Variants in NEK10 observed in about 807,000 individuals in gnomAD.
The protein encoded by NEK10 is serine/threonine-protein kinase Nek10.
NEK10 carries 122 observed loss-of-function variants against 159.8 expected under a neutral mutation model. The observed-to-expected ratio is 0.76, with a 90% CI of 0.66 to 0.89. The LOEUF is 0.89. Ranked by LOEUF, NEK10 falls within the 40% of genes least tolerant of loss-of-function variation. The probability of loss-of-function intolerance (pLI) is 0.00; values close to 1 mark genes in which losing one functional copy is unlikely to be tolerated. For missense variants in NEK10, 1,342 were observed against 1,323.1 expected (o/e 1.01, Z -0.22); for synonymous variants, 466 against 457.1 (o/e 1.02, Z -0.25).
chr3:27,123,789 T>C (rs1941609404), intron 32 of NEK10, among the ~76,000 whole-genome samples: 1 of 151,308 alleles, frequency 6.6e-6, no homozygotes, highest in Non-Finnish European at 1.5e-5. Flanking sequence ...AAAGAATGAG[T>C]AAGAATGAGT....
At chr3:27,124,084 C>G (rs914317196) in intron 32 of NEK10, among the ~76,000 whole-genome samples, 1 of 151,890 alleles carries the variant, frequency 6.6e-6, no homozygotes, top group South Asian at 2.1e-4. Flanking sequence ...ATACACAAAA[C>G]AGTTTAAGTG....
At chr3:27,184,876 G>A (rs1192953431) in intron 26 of NEK10, among the ~76,000 whole-genome samples, 4 of 152,100 alleles carry the variant, frequency 2.6e-5, no homozygotes, top group African/African-American at 9.7e-5. Flanking sequence ...CATGACTTTA[G>A]TGGTGTGCTC....
At chr3:27,119,679 G>C in intron 33 of NEK10, 81 bp downstream of exon 33, 1 of 1,090,516 alleles carries the variant, frequency 9.2e-7, no homozygotes, top group South Asian at 1.5e-5. Flanking sequence ...AAAAATTGGA[G>C]ATAATCTTTT....
intron 23 of NEK10, among the ~76,000 whole-genome samples, chr3:27,233,974 T>G (rs1442720505): frequency 6.6e-6 from 1 of 151,884 alleles, no homozygotes; most frequent in Non-Finnish European, 1.5e-5. Context: ...CATACGCAAA[T>G]CAATAAATGT....
At chr3:27,238,786 TGTG>T (rs1954245312) in intron 23 of NEK10, among the ~76,000 whole-genome samples, 5 of 148,514 alleles carry the variant, frequency 3.4e-5, no homozygotes, top group Non-Finnish European at 7.5e-5. Flanking sequence ...TGTGTGTGTG[TGTG>T]TATGTGAAGC....
intron 16 of NEK10, 113 bp from the exon 17 acceptor site, chr3:27,291,699 G>A (rs2043008067): frequency 3.0e-6 from 2 of 665,002 alleles, no homozygotes; most frequent in Non-Finnish European, 5.4e-6. Flanking sequence ...CTGGAGTGCA[G>A]TGGCACGATC....
intron 11 of NEK10, 44 bp downstream of exon 11, chr3:27,307,815 A>G (rs750838887): frequency 1.0e-5 from 9 of 888,180 alleles, no homozygotes; most frequent in Non-Finnish European, 1.7e-5. Flanking sequence ...GTATCTGTCA[A>G]ATAAAGGCAC....
chr3:27,140,527 C>T (rs995324019), intron 31 of NEK10, among the ~76,000 whole-genome samples: 5 of 152,132 alleles, frequency 3.3e-5, no homozygotes, highest in African/African-American at 9.7e-5. Context: ...CTGTGGTACA[C>T]CATTTTTAAT....
chr3:27,115,150 C>A (rs1307882841), intron 35 of NEK10, among the ~76,000 whole-genome samples: 2 of 152,124 alleles, frequency 1.3e-5, no homozygotes, highest in Non-Finnish European at 2.9e-5. Context: ...AGGATAAATA[C>A]CTCAGCTCTC....
intron 5 of NEK10, among the ~76,000 whole-genome samples, chr3:27,331,977 G>A (rs2046452908): frequency 6.6e-6 from 1 of 152,120 alleles, no homozygotes; most frequent in African/African-American, 2.4e-5. Context: ...CATACTAAAT[G>A]GTTTCTTCCA....
At chr3:27,131,828 C>T in intron 32 of NEK10, 52 bp downstream of exon 32, 1 of 992,934 alleles carries the variant, frequency 1.0e-6, no homozygotes, top group Non-Finnish European at 1.6e-6. Flanking sequence ...AAATGTACCT[C>T]TTATGATGTG....
chr3:27,306,158 T>C (rs1265607769), intron 11 of NEK10, among the ~76,000 whole-genome samples: 1 of 152,146 alleles, frequency 6.6e-6, no homozygotes, highest in African/African-American at 2.4e-5. Context: ...TACTCCTCTT[T>C]TCACACTCCT....
chr3:27,162,967 A>C (rs1401399316), intron 29 of NEK10: 1 of 186,336 alleles, frequency 5.4e-6, no homozygotes, highest in African/African-American at 2.4e-5. Flanking sequence ...TTTAGGCTCT[A>C]AGTATGACTA....
chr3:27,279,381 T>C (rs1037379697), intron 22 of NEK10, among the ~76,000 whole-genome samples: 2 of 152,218 alleles, frequency 1.3e-5, no homozygotes, highest in African/African-American at 4.8e-5. Flanking sequence ...TGTGGTGACA[T>C]GCTTTCACAC....
intron 3 of NEK10, among the ~76,000 whole-genome samples, chr3:27,348,320 G>A (rs1303582558): frequency 6.6e-6 from 1 of 152,184 alleles, no homozygotes; most frequent in East Asian, 1.9e-4. Context: ...CAAGAGAGGA[G>A]TGGAAAGCTG....
chr3:27,281,262 C>T (rs1044074968), intron 22 of NEK10, among the ~76,000 whole-genome samples: 84 of 151,798 alleles, frequency 5.5e-4, no homozygotes, highest in African/African-American at 2.0e-3. Flanking sequence ...ACAGAGAGAG[C>T]AGAGGGGAGA....
At chr3:27,211,404 A>G (rs1950998435) in intron 23 of NEK10, among the ~76,000 whole-genome samples, 3 of 152,228 alleles carry the variant, frequency 2.0e-5, no homozygotes, top group Non-Finnish European at 4.4e-5. Context: ...ACGGACTGTC[A>G]TATTCCTGAA....
chr3:27,349,076 C>T (rs914101188), intron 3 of NEK10, among the ~76,000 whole-genome samples: 2 of 151,914 alleles, frequency 1.3e-5, no homozygotes, highest in African/African-American at 4.8e-5. Context: ...CCATGGGTCA[C>T]GGAAGGGGGT....
intron 5 of NEK10, among the ~76,000 whole-genome samples, chr3:27,333,803 G>A (rs2046602111): frequency 6.6e-6 from 1 of 152,170 alleles, no homozygotes; most frequent in Non-Finnish European, 1.5e-5. Flanking sequence ...CTGGGACAGA[G>A]GTGCAAGAGA....
Sources: allele counts gnomAD v4.1 joint callset (sites outside exome capture counted in the v4.1 genomes callset), GRCh38; gene constraint gnomAD v4.1.1; transcripts MANE v1.5; gene names NCBI Gene and HGNC (gene_info 2026-07-23, HGNC 2026-07-21).